NCAPH2: variants seen among roughly 807,000 people sequenced by gnomAD.
The protein encoded by NCAPH2 is non-SMC condensin II complex subunit H2.
In NCAPH2, 56 loss-of-function variants were observed where a neutral mutation model predicts 88.6. The ratio of observed to expected loss-of-function variants is 0.63; its 90% CI spans 0.51 to 0.79. The LOEUF is 0.79. Among genes scored for constraint, NCAPH2 ranks in the 30% least tolerant of loss-of-function variants. NCAPH2 has a pLI of 0.00. For synonymous variants in NCAPH2, 378 were observed against 313.6 expected, an observed-to-expected ratio of 1.21 and a Z score of -2.17; for missense variants, 794 against 792.0, an observed-to-expected ratio of 1.00 and a Z score of -0.03.
In NCAPH2 at chr22:50,518,739, A is replaced by C; in HGVS notation, c.730+7A>C. The C allele has an allele frequency of 6.2e-7, 1 of 1,600,662 alleles. No individual in the cohort carries two copies. The highest frequency in any genetic ancestry group is 8.5e-7 in the Non-Finnish European group (1 of 1,174,792). ...GGCTTCTCCCAGGAGCCAGGTGAGA[A>C]GAGAGCTCCCCGGTGGGACTGGCAG... On this transcript the variant is annotated splice_region_variant and intron_variant, in intron 8 of 19. Coordinates refer to ENST00000420993, the MANE Select transcript of NCAPH2 (RefSeq NM_152299.4).
intron 14 of NCAPH2, 26 bp from the exon 15 acceptor site, chr22:50,522,317 C>T (rs1368840873): frequency 1.2e-6 from 2 of 1,603,882 alleles, no homozygotes; most frequent in East Asian, 2.2e-5. Flanking sequence ...GTGACAGTGC[C>T]CCTCACAGAT....
Position 50,510,537 on chromosome 22 carries a change from C to A in NCAPH2, c.108+2092C>A, listed in dbSNP as rs930163658. Among the ~76,000 whole-genome samples, 3 of 152,158 alleles carry A rather than the reference C, an allele frequency of 2.0e-5. No individual in the cohort carries two copies. The East Asian group carries it at 5.8e-4, about 29-fold the overall frequency. ...CCGACTCCCAGGTTCAAGCAATTCT[C>A]CTGCCTTGGCCTCCCGAGTAGCTGG... On this transcript the variant is annotated intron_variant, in intron 1 of 19. Coordinates refer to ENST00000420993, the MANE Select transcript of NCAPH2 (RefSeq NM_152299.4).
Position 50,521,601 on chromosome 22 carries a change from T to C in NCAPH2, c.992T>C (p.Phe331Ser). The change falls in exon 11 of 20, where the codon TTC (phenylalanine) becomes TCC (serine). Residue 331 changes from phenylalanine to serine, a missense_variant. By Grantham distance (155) the Phe-to-Ser change is radical (BLOSUM62 -2). Coordinates refer to ENST00000420993, the MANE Select transcript of NCAPH2 (RefSeq NM_152299.4). ...DPFDSLESKP[F>S]KKGRPYSVPP... ...TTTGACTCCTTGGAGTCTAAGCCCTTCAAGAAAGGTAATTGGGTGGAAGGT... is the reference window on the plus strand; with the variant it reads ...TTTGACTCCTTGGAGTCTAAGCCCTCCAAGAAAGGTAATTGGGTGGAAGGT... 6.2e-7 allele frequency: 1 copy of C among 1,613,076 alleles called. No individual in the cohort carries two copies. Among genetic ancestry groups the C allele is most frequent in the Non-Finnish European group, 8.5e-7 (1 of 1,179,712 alleles).
chr22:50,515,454 T>C (rs1006571079), intron 1 of NCAPH2, among the ~76,000 whole-genome samples: 9 of 152,280 alleles, frequency 5.9e-5, no homozygotes, highest in African/African-American at 2.2e-4. Context: ...TGGAGTGCAG[T>C]GGCGCGATCT....
rs1397744935 is a variant in NCAPH2, at chr22:50,519,182, C to G, written c.731-8C>G. 4 of 1,602,616 alleles carry G rather than the reference C, an allele frequency of 2.5e-6. No homozygotes were observed. Among genetic ancestry groups the G allele is most frequent in the Non-Finnish European group, 3.4e-6 (4 of 1,175,758 alleles). ...TTGGAGCTGATCACTCTCTTGCTCCCTGCCTAGGCCCCTCTCCAGAAGGCC... is the reference window on the plus strand; with the variant it reads ...TTGGAGCTGATCACTCTCTTGCTCCGTGCCTAGGCCCCTCTCCAGAAGGCC... On this transcript the variant is annotated splice_polypyrimidine_tract_variant and splice_region_variant and intron_variant, in intron 8 of 19. Transcript: ENST00000420993.
chr22:50,511,307 T>TTTTTTTTTTG (rs1245636441), intron 1 of NCAPH2, among the ~76,000 whole-genome samples: 1 of 145,160 alleles, frequency 6.9e-6, no homozygotes, highest in African/African-American at 2.7e-5. Flanking sequence ...TTTTTTTTTT[T>TTTTTTTTTTG]GAGACGGAGT....
chr22:50,515,629 C>G, intron 1 of NCAPH2: 2 of 990,016 alleles, frequency 2.0e-6, no homozygotes, highest in Non-Finnish European at 2.7e-6. Flanking sequence ...ATCTCCTGAC[C>G]TCATGATCTG....
chr22:50,522,285 C>T (rs2069126888), intron 14 of NCAPH2, 34 bp downstream of exon 14: 2 of 1,608,644 alleles, frequency 1.2e-6, no homozygotes, highest in Non-Finnish European at 1.7e-6. Context: ...GATCTAGGAC[C>T]CCGTGGTGGC....
Position 50,522,914 on chromosome 22 carries a change from CAGG to C in NCAPH2, c.1522_1524del (p.Glu508del). On this transcript the variant is annotated inframe_deletion, in exon 18 of 20. Transcript: ENST00000420993. ...GGAGGACACAGTGCAGCCTCTGCTC[CAGG>C]AGCAGGTGAGGCGGGGCCGCTGGGA... 6.2e-7 allele frequency: 1 copy of C among 1,613,206 alleles called. No homozygotes were observed. The highest frequency in any genetic ancestry group is 8.5e-7 in the Non-Finnish European group (1 of 1,179,980).
intron 1 of NCAPH2, among the ~76,000 whole-genome samples, chr22:50,509,802 C>T (rs1435730951): frequency 6.6e-6 from 1 of 152,168 alleles, no homozygotes; most frequent in East Asian, 1.9e-4. Flanking sequence ...TCCATTTTAG[C>T]CTCATTTTGG....
intron 5 of NCAPH2, 52 bp from the exon 6 acceptor site, chr22:50,517,921 C>T (rs957887057): frequency 5.0e-6 from 8 of 1,602,602 alleles, no homozygotes; most frequent in Non-Finnish European, 6.0e-6. Context: ...GGGTCCTGTT[C>T]TCCACTGGAG....
Position 50,524,285 on chromosome 22 carries a change from GGCCCT to G in NCAPH2, c.*914_*918del. The stretch of plus-strand genomic sequence containing the variant: ...TGGCCCTGCCCACCTGTCTCTGCAG[GGCCCT>G]GCCTTGACAAAAGCCAGGACCTCAG... On this transcript the variant is annotated 3_prime_UTR_variant, in exon 20 of 20. Transcript: ENST00000420993. The G allele has an allele frequency of 6.2e-7, 1 of 1,603,420 alleles. No individual in the cohort carries two copies. Among genetic ancestry groups the G allele is most frequent in the Non-Finnish European group, 8.5e-7 (1 of 1,179,802 alleles).
rs1387401969 is a variant in NCAPH2, at chr22:50,523,592, G to T, written c.*217G>T. 1 of 1,612,192 alleles carries T rather than the reference G, an allele frequency of 6.2e-7. No individual in the cohort carries two copies. The highest frequency in any genetic ancestry group is 1.7e-5 in the Admixed American group (1 of 60,018). On this transcript the variant is annotated 3_prime_UTR_variant, in exon 20 of 20. Coordinates refer to ENST00000420993, the MANE Select transcript of NCAPH2 (RefSeq NM_152299.4). The stretch of plus-strand genomic sequence containing the variant: ...ATTAAACGCAGCCCGTTTAATGATG[G>T]GGCCCAGACTGCAGTGGCTCAAGAC...
intron 18 of NCAPH2, 43 bp downstream of exon 18, chr22:50,522,965 C>T (rs2069159591): frequency 6.2e-7 from 1 of 1,610,738 alleles, no homozygotes; most frequent in Admixed American, 1.7e-5. Flanking sequence ...TGCCACGGGT[C>T]TGTCCAGGGC....
In NCAPH2 at chr22:50,523,927, G is replaced by C; in HGVS notation, c.*552G>C. ...CTCGGGGTCCACAGTGATGAAGACA[G>C]GCTGCACTGGAGGCAAACCAGGCTC... On this transcript the variant is annotated 3_prime_UTR_variant, in exon 20 of 20. Coordinates refer to ENST00000420993, the MANE Select transcript of NCAPH2 (RefSeq NM_152299.4). The C allele has an allele frequency of 6.2e-7, 1 of 1,613,084 alleles. No homozygotes were observed. Among genetic ancestry groups the C allele is most frequent in the Non-Finnish European group, 8.5e-7 (1 of 1,179,432 alleles).
chr22:50,508,817 A>AT (rs1190855784), intron 1 of NCAPH2, among the ~76,000 whole-genome samples: 1 of 152,184 alleles, frequency 6.6e-6, no homozygotes, highest in Non-Finnish European at 1.5e-5. Flanking sequence ...TGTCAGAGGA[A>AT]TTTTTTATCT....
chr22:50,518,525 C>G, intron 7 of NCAPH2, 124 bp from the exon 8 acceptor site: 1 of 1,115,138 alleles, frequency 9.0e-7, no homozygotes, highest in Non-Finnish European at 1.3e-6. Flanking sequence ...CCCCCCAGCC[C>G]AAGGCCTGGA....
rs143543571 is a variant in NCAPH2 at position 50,524,264 on chromosome 22, C to G, written c.*889C>G. On this transcript the variant is annotated 3_prime_UTR_variant, in exon 20 of 20. Coordinates refer to ENST00000420993, the MANE Select transcript of NCAPH2 (RefSeq NM_152299.4). ...CGAAGCCCAGGGCCCTGGGGCTGGC[C>G]CTGCCCACCTGTCTCTGCAGGGCCC... The G allele has an allele frequency of 6.2e-7, 1 of 1,604,604 alleles. No individual in the cohort carries two copies. The highest frequency in any genetic ancestry group is 1.1e-5 in the South Asian group (1 of 91,058).
intron 7 of NCAPH2, among the ~76,000 whole-genome samples, 160 bp from the exon 8 acceptor site, chr22:50,518,489 G>A (rs755298179): frequency 4.6e-5 from 7 of 152,162 alleles, no homozygotes; most frequent in Non-Finnish European, 8.8e-5. Flanking sequence ...CAGAGACCTG[G>A]TGCCTGGCTC....
Sources: allele counts gnomAD v4.1 joint callset (sites outside exome capture counted in the v4.1 genomes callset), GRCh38; gene constraint gnomAD v4.1.1; transcripts MANE v1.5; gene names NCBI Gene and HGNC (gene_info 2026-07-23, HGNC 2026-07-21).